Variants in SLC9A4 observed in about 807,000 individuals in gnomAD.
SLC9A4 encodes the protein solute carrier family 9 member A4.
In SLC9A4, 63 loss-of-function variants were observed where a neutral mutation model predicts 67.4. The observed-to-expected ratio is 0.93, with a 90% CI of 0.76 to 1.15. The LOEUF (loss-of-function observed/expected upper bound fraction) is 1.15, where lower values mean the gene tolerates loss of function less well. Ranked by LOEUF, SLC9A4 falls within the 50% of genes most tolerant of loss-of-function variation. SLC9A4 has a pLI of 0.00. For missense variants in SLC9A4, 1,089 were observed against 987.7 expected (o/e 1.10, Z -1.38); for synonymous variants, 393 against 367.2 (o/e 1.07, Z -0.80).
In SLC9A4 at chr2:102,533,599, C is replaced by T. The variant is rs985326628; in HGVS notation, c.*911C>T. On this transcript the variant is annotated 3_prime_UTR_variant, in exon 12 of 12. Coordinates refer to ENST00000295269, the MANE Select transcript of SLC9A4 (RefSeq NM_001011552.4). ...TGCTGGTGTGCTGCACCCGCTAACT[C>T]GTCATCTAGCATTAGGTGTATCTCC... is the stretch of plus-strand genomic sequence containing the variant. 1.3e-5 allele frequency: 2 copies of T among 150,648 alleles called. No individual in the cohort carries two copies. Among genetic ancestry groups the T allele is most frequent in the Non-Finnish European group, 3.0e-5 (2 of 67,690 alleles). The allele number at this position is 150,648 out of a possible 1,614,324, so 9.3% of individuals were successfully genotyped here.
intron 2 of SLC9A4, among the ~76,000 whole-genome samples, chr2:102,480,432 C>T (rs532079723): frequency 2.6e-5 from 4 of 151,766 alleles, no homozygotes; most frequent in East Asian, 1.9e-4. Context: ...GATGCAGCCT[C>T]GGCTCACTGC....
chr2:102,481,295 T>G (rs1389352889), intron 2 of SLC9A4, among the ~76,000 whole-genome samples: 1 of 152,238 alleles, frequency 6.6e-6, no homozygotes, highest in East Asian at 1.9e-4. Context: ...TATTTTCTTA[T>G]ATCTTTGACA....
intron 2 of SLC9A4, among the ~76,000 whole-genome samples, chr2:102,483,043 C>A (rs1233647060): frequency 6.6e-6 from 1 of 152,158 alleles, no homozygotes; most frequent in African/African-American, 2.4e-5. Context: ...TGTTTGACTT[C>A]CCCAAAGTTT....
At chr2:102,513,494 C>CAAT (rs1685208987) in intron 7 of SLC9A4, among the ~76,000 whole-genome samples, 1 of 152,232 alleles carries the variant, frequency 6.6e-6, no homozygotes, top group Non-Finnish European at 1.5e-5. Flanking sequence ...AGGTTCCTTA[C>CAAT]AATAGTCAGC....
Position 102,481,775 on chromosome 2 carries a change from T to C in SLC9A4, c.720+2473T>C, listed in dbSNP as rs192446521. On this transcript the variant is annotated intron_variant, in intron 2 of 11. Transcript: ENST00000295269. ...ATAGTGAAACCTGCTAATGACTCTTTTTTTGCTCCTGGGTTTCATATTTTG... is the reference window on the plus strand; with the variant it reads ...ATAGTGAAACCTGCTAATGACTCTTCTTTTGCTCCTGGGTTTCATATTTTG... Among the ~76,000 whole-genome samples the C allele has an allele frequency of 1.7e-3, 254 of 152,296 alleles. 3 individuals carry two copies. Among genetic ancestry groups the C allele is most frequent in the African/African-American group, 5.5e-3 (229 of 41,566 alleles).
Position 102,505,267 on chromosome 2 carries a change from G to C in SLC9A4, c.994G>C (p.Ala332Pro), listed in dbSNP as rs369636879. 1 of 1,613,854 alleles carries C rather than the reference G, an allele frequency of 6.2e-7. No individual in the cohort carries two copies. Among genetic ancestry groups the C allele is most frequent in the East Asian group, 2.2e-5 (1 of 44,892 alleles). Residue 332 changes from alanine (A) to proline (P), a missense_variant, in exon 4 of 12, where the codon GCA (alanine) becomes CCA (proline). By Grantham distance (27) the Ala-to-Pro change is conservative. Coordinates refer to ENST00000295269, the MANE Select transcript of SLC9A4 (RefSeq NM_001011552.4). ...LSGILAITAC[A>P]VTMKKYVEEN... Reference sequence around the variant, plus strand: ...CTCCTTTTATAGAATCACAGCCTGCGCAGTAACAATGAAAAAGTACGTGGA... The same window carrying C: ...CTCCTTTTATAGAATCACAGCCTGCCCAGTAACAATGAAAAAGTACGTGGA...
At chr2:102,489,667 G>T (rs574916620) in intron 2 of SLC9A4, among the ~76,000 whole-genome samples, 1 of 152,080 alleles carries the variant, frequency 6.6e-6, no homozygotes, top group Admixed American at 6.6e-5. Context: ...GCCTCTGTTC[G>T]CTGAACTTAG....
At position 102,496,026 on chromosome 2, in the gene SLC9A4, A is replaced by G. The variant is rs901629385; in HGVS notation, c.721-7422A>G. Among the ~76,000 whole-genome samples, 62 of 152,172 alleles carry G rather than the reference A, an allele frequency of 4.1e-4. 1 individual carries two copies. The highest frequency in any genetic ancestry group is 6.6e-5 in the Admixed American group (1 of 15,266). On this transcript the variant is annotated intron_variant, in intron 2 of 11. Coordinates refer to ENST00000295269, the MANE Select transcript of SLC9A4 (RefSeq NM_001011552.4). ...AAACACACACAAAAAAGAAAAAGCA[A>G]TGAATTGGATTTTATCAAAAGAAAA...
chr2:102,485,214 T>C (rs922716149), intron 2 of SLC9A4, among the ~76,000 whole-genome samples: 1 of 152,220 alleles, frequency 6.6e-6, no homozygotes, highest in African/African-American at 2.4e-5. Context: ...ATTTTTGTTA[T>C]AAAGACACAG....
intron 2 of SLC9A4, among the ~76,000 whole-genome samples, chr2:102,498,504 T>C (rs1684856823): frequency 6.6e-6 from 1 of 152,212 alleles, no homozygotes; most frequent in Admixed American, 6.5e-5. Flanking sequence ...TGAGTTTCCT[T>C]TGGATTTGAG....
chr2:102,516,678 A>C (rs992131537), intron 8 of SLC9A4, among the ~76,000 whole-genome samples: 1 of 152,204 alleles, frequency 6.6e-6, no homozygotes, highest in African/African-American at 2.4e-5. Flanking sequence ...TTGCTTTTAC[A>C]TACATTATCT....
At chr2:102,474,804 C>A (rs1031413533) in intron 1 of SLC9A4, among the ~76,000 whole-genome samples, 8 of 152,210 alleles carry the variant, frequency 5.3e-5, no homozygotes, top group Admixed American at 3.9e-4. Flanking sequence ...ATGCTAAGCA[C>A]AATGCCTCCT....
rs775914452 is a variant in SLC9A4, at chr2:102,526,251, AC to A, written c.1951-5del. The A allele has an allele frequency of 1.9e-6, 3 of 1,612,820 alleles. No individual in the cohort carries two copies. The South Asian group carries it at 3.3e-5, about 18-fold the overall frequency. On this transcript the variant is annotated splice_polypyrimidine_tract_variant and splice_region_variant and intron_variant, in intron 10 of 11. Coordinates refer to ENST00000295269, the MANE Select transcript of SLC9A4 (RefSeq NM_001011552.4). ...ATTCTGCTTTTTCTTTCTACTTGCT[AC>A]CCACAGGCTGGCACCAAGAATATCC...
At chr2:102,481,164 A>G (rs1233165772) in intron 2 of SLC9A4, among the ~76,000 whole-genome samples, 1 of 152,078 alleles carries the variant, frequency 6.6e-6, no homozygotes, top group Non-Finnish European at 1.5e-5. Context: ...GGTCCTCATA[A>G]TTTTGCCAAA....
chr2:102,527,456 T>C (rs1333492222), intron 11 of SLC9A4, among the ~76,000 whole-genome samples: 1 of 152,216 alleles, frequency 6.6e-6, no homozygotes, highest in Non-Finnish European at 1.5e-5. Context: ...CCAAAGCTTA[T>C]TAAGCTAATT....
At chr2:102,497,314 T>G (rs1284817806) in intron 2 of SLC9A4, among the ~76,000 whole-genome samples, 1 of 151,882 alleles carries the variant, frequency 6.6e-6, no homozygotes, top group Non-Finnish European at 1.5e-5. Context: ...ATTGTACTCC[T>G]AGGTATATAC....
At chr2:102,494,242 A>G (rs1385784703) in intron 2 of SLC9A4, among the ~76,000 whole-genome samples, 3 of 151,934 alleles carry the variant, frequency 2.0e-5, no homozygotes, top group Non-Finnish European at 4.4e-5. Context: ...ACATGGCTAT[A>G]AGGTTTCTTT....
chr2:102,533,009 G>A lies in SLC9A4; in HGVS notation c.*321G>A, dbSNP rs1674811391. 1 of 230,318 alleles carries A rather than the reference G, an allele frequency of 4.3e-6. No homozygotes were observed. The highest frequency in any genetic ancestry group is 8.6e-6 in the Non-Finnish European group (1 of 115,776). The allele number at this position is 230,318 out of a possible 1,614,324, so 14.3% of individuals were successfully genotyped here. A position where few individuals can be genotyped will look rare whatever the true frequency, so the allele number is the denominator to read the frequency against. ...ATCCAAGCCATATATTGAAATACAA[G>A]CGTGATTAATCAGTAATTCACATTG... is the stretch of plus-strand genomic sequence containing the variant. On this transcript the variant is annotated 3_prime_UTR_variant, in exon 12 of 12. Transcript: ENST00000295269.
At chr2:102,522,362 G>T (rs763042210) in intron 9 of SLC9A4, among the ~76,000 whole-genome samples, 1 of 152,140 alleles carries the variant, frequency 6.6e-6, no homozygotes, top group Non-Finnish European at 1.5e-5. Context: ...AAGGCTCAAG[G>T]TCCAGTGGGA....
Sources: allele counts gnomAD v4.1 joint callset (sites outside exome capture counted in the v4.1 genomes callset), GRCh38; gene constraint gnomAD v4.1.1; transcripts MANE v1.5; gene names NCBI Gene and HGNC (gene_info 2026-07-23, HGNC 2026-07-21).